The following ATXN2 variants were observed in gnomAD, a reference collection of about 807,000 sequenced individuals.
The protein encoded by ATXN2 is ataxin 2.
ATXN2 carries 37 observed loss-of-function variants against 138.6 expected under a neutral mutation model. The observed-to-expected ratio is 0.27, with a 90% CI of 0.21 to 0.35. The LOEUF (loss-of-function observed/expected upper bound fraction) is 0.35, where lower values mean the gene tolerates loss of function less well. ATXN2 is among the 10% of genes least tolerant of loss of function. The pLI is 1.00. For synonymous variants in ATXN2, 549 were observed against 543.7 expected (o/e 1.01, Z -0.13); for missense variants, 1,216 against 1,480.3 (o/e 0.82, Z 2.93).
At chr12:111,563,914 G>A (rs141776827) in intron 1 of ATXN2, among the ~76,000 whole-genome samples, 84 of 152,202 alleles carry the variant, frequency 5.5e-4, no homozygotes, top group African/African-American at 2.0e-3. Context: ...GTTTAGATCT[G>A]TATTATAATT....
chr12:111,549,081 A>AC (rs969283481), intron 5 of ATXN2, among the ~76,000 whole-genome samples: 1 of 151,828 alleles, frequency 6.6e-6, no homozygotes, highest in African/African-American at 2.4e-5. Context: ...ATCACATGAA[A>AC]CCCATAGCTC....
intron 14 of ATXN2, among the ~76,000 whole-genome samples, chr12:111,492,973 G>T (rs1349160550): frequency 6.6e-6 from 1 of 152,044 alleles, no homozygotes; most frequent in Non-Finnish European, 1.5e-5. Context: ...ATTTAAAAAA[G>T]AGACTGCAAT....
rs1428121347 is a variant in ATXN2 at position 111,470,260 on chromosome 12, A to G, written c.2710-20T>C. 6.2e-7 allele frequency: 1 copy of G among 1,610,860 alleles called. No homozygotes were observed. The highest frequency in any genetic ancestry group is 8.5e-7 in the Non-Finnish European group (1 of 1,178,646). On this transcript the variant is annotated intron_variant, in intron 19 of 24. Transcript: ENST00000673436. ...AGGATGCTGTGTTCAAACAAAAAAT[A>G]AAGAAAGCACATTAACACTGCAAAT... is the stretch of plus-strand genomic sequence containing the variant.
chr12:111,554,064 G>T, intron 3 of ATXN2, 94 bp downstream of exon 3: 1 of 840,810 alleles, frequency 1.2e-6, no homozygotes, highest in Non-Finnish European at 1.8e-6. Context: ...TCTAAGCAAT[G>T]TTACTTTGAC....
In ATXN2 at chr12:111,572,586, T is replaced by C. The variant is rs528839414; in HGVS notation, c.252-16667A>G. Among the ~76,000 whole-genome samples the C allele has an allele frequency of 6.6e-5, 10 of 152,242 alleles. No homozygotes were observed. In the South Asian group the frequency reaches 2.1e-3, roughly 32 times the overall value. On this transcript the variant is annotated intron_variant, in intron 1 of 24. Coordinates refer to ENST00000673436, the MANE Select transcript of ATXN2 (RefSeq NM_001372574.1). ...CAAAAGGTAGGCTAGGTTAAACCCA[T>C]GGATAAAATTAATGTATCGCAGTAA...
intron 1 of ATXN2, among the ~76,000 whole-genome samples, chr12:111,595,802 G>C (rs1199602159): frequency 6.8e-6 from 1 of 147,452 alleles, no homozygotes; most frequent in Non-Finnish European, 1.5e-5. Flanking sequence ...ATTCCTGCCT[G>C]TAATCCTGGC....
intron 20 of ATXN2, among the ~76,000 whole-genome samples, chr12:111,468,019 C>T (rs1876141765): frequency 6.6e-6 from 1 of 152,216 alleles, no homozygotes; most frequent in African/African-American, 2.4e-5. Flanking sequence ...AGTTTCAGAT[C>T]TGATTCCAAG....
Position 111,501,357 on chromosome 12 carries a change from T to C in ATXN2, c.1935+8192A>G, listed in dbSNP as rs187952028. ...AATGGCTGAAAAAAGGGGGAGCAAG[T>C]ACAAGCAACAAAAACAGAACCTAAG... On this transcript the variant is annotated intron_variant, in intron 14 of 24. Coordinates refer to ENST00000673436, the MANE Select transcript of ATXN2 (RefSeq NM_001372574.1). 4.1e-3 allele frequency among the ~76,000 whole-genome samples: 620 copies of C among 152,202 alleles called. 6 individuals are homozygous for C. The highest frequency in any genetic ancestry group is 0.014 in the African/African-American group (601 of 41,528).
At chr12:111,585,579 C>G (rs1379610604) in intron 1 of ATXN2, among the ~76,000 whole-genome samples, 3 of 149,472 alleles carry the variant, frequency 2.0e-5, no homozygotes, top group Non-Finnish European at 4.5e-5. Flanking sequence ...CTGAAGCAGG[C>G]GGATCACCTG....
chr12:111,581,360 C>A, intron 1 of ATXN2: 1 of 602,834 alleles, frequency 1.7e-6, no homozygotes, highest in South Asian at 1.7e-5. Flanking sequence ...CCGACCACAG[C>A]TGGTCTTCCC....
Position 111,598,935 on chromosome 12 carries a change from C to T in ATXN2, c.100G>A (p.Ala34Thr), listed in dbSNP as rs974441704. Residue 34 changes from alanine to threonine, a missense_variant, in exon 1 of 25, where the codon GCC becomes ACC. This residue lies in a region of ATXN2 where 110 missense variants were observed against 88.7 expected (regional missense o/e 1.24). Transcript: ENST00000673436. The surrounding 1 kb of genome is among the most constrained non-coding windows in gnomAD (Gnocchi z 4.5). ...QQQQQPPPAA[A>T]NVRKPGGSGL... is the part of the protein sequence containing the mutation. ...CTGCCGCCGGGCTTGCGGACATTGG[C>T]AGCCGCGGGCGGCGGCTGCTGCTGC... 1 of 1,510,648 alleles carries T rather than the reference C, an allele frequency of 6.6e-7. No homozygotes were observed. Among genetic ancestry groups the T allele is most frequent in the Admixed American group, 2.1e-5 (1 of 48,560 alleles). The allele number at this position is 1,510,648 out of a possible 1,614,324, so 93.6% of individuals were successfully genotyped here.
At chr12:111,599,424 G>C, upstream of ATXN2, 2 of 1,180,610 alleles carry the variant, frequency 1.7e-6, no homozygotes, top group African/African-American at 3.2e-5. Flanking sequence ...GGCCGCTGGA[G>C]CGAGCGCCAC....
chr12:111,475,480 T>A (rs1021038306), intron 18 of ATXN2, among the ~76,000 whole-genome samples: 1 of 150,470 alleles, frequency 6.6e-6, no homozygotes, highest in African/African-American at 2.4e-5. Context: ...ATTTATCTTT[T>A]CTGTTTCTTT....
chr12:111,574,735 T>C (rs1292658262), intron 1 of ATXN2, among the ~76,000 whole-genome samples: 1 of 152,142 alleles, frequency 6.6e-6, no homozygotes, highest in Non-Finnish European at 1.5e-5. Context: ...AATTCCTCAT[T>C]TTCTTTTCCG....
At chr12:111,458,159 T>TGAGATATAAGTCTCACTCAC (rs1875268293) in intron 21 of ATXN2, 1 of 152,208 alleles carries the variant, frequency 6.6e-6, no homozygotes, top group African/African-American at 2.4e-5. Context: ...GTTTTTTGTT[T>TGAGATATAAGTCTCACTCAC]TTTTTTGAGA....
intron 3 of ATXN2, 28 bp downstream of exon 3, chr12:111,554,130 G>GT: frequency 7.1e-7 from 1 of 1,407,260 alleles, no homozygotes; most frequent in Non-Finnish European, 9.6e-7. Context: ...CCCCAAGGCA[G>GT]TTTATCCCCA....
intron 14 of ATXN2, among the ~76,000 whole-genome samples, chr12:111,496,484 C>T (rs993154048): frequency 4.6e-5 from 7 of 151,820 alleles, no homozygotes; most frequent in African/African-American, 1.2e-4. Context: ...TGCAGTAAGC[C>T]GAGATCGCGC....
At chr12:111,486,598 T>C (rs1265073471) in intron 16 of ATXN2, among the ~76,000 whole-genome samples, 163 bp downstream of exon 16, 1 of 152,184 alleles carries the variant, frequency 6.6e-6, no homozygotes, top group Admixed American at 6.5e-5. Flanking sequence ...AGACCTTTTT[T>C]TAATGTTTAA....
chr12:111,555,795 G>GA (rs1202439400), intron 2 of ATXN2, 88 bp downstream of exon 2: 15 of 1,090,984 alleles, frequency 1.4e-5, no homozygotes, highest in Non-Finnish European at 1.7e-5. Flanking sequence ...CAAAAGAAGG[G>GA]AATCTTTTGC....
Sources: allele counts gnomAD v4.1 joint callset (sites outside exome capture counted in the v4.1 genomes callset), GRCh38; gene constraint gnomAD v4.1.1; regional missense constraint gnomAD v4.1.1; non-coding constraint Gnocchi (gnomAD v3.1); transcripts MANE v1.5; gene names NCBI Gene and HGNC (gene_info 2026-07-23, HGNC 2026-07-21).